Variants in RYR3 observed in about 807,000 individuals in gnomAD.
RYR3 encodes the protein ryanodine receptor 3.
RYR3 carries 207 observed loss-of-function variants against 584.3 expected under a neutral mutation model. The ratio of observed to expected loss-of-function variants is 0.35; its 90% CI spans 0.32 to 0.40. The LOEUF (loss-of-function observed/expected upper bound fraction) is 0.40, where lower values mean the gene tolerates loss of function less well. Among genes scored for constraint, RYR3 ranks in the 10% least tolerant of loss-of-function variants. The probability of loss-of-function intolerance (pLI) is 1.00; values close to 1 mark genes in which losing one functional copy is unlikely to be tolerated. For missense variants in RYR3, 5,616 were observed against 6,089.2 expected, an observed-to-expected ratio of 0.92 and a Z score of 2.59; for synonymous variants, 2,416 against 2,248.5, an observed-to-expected ratio of 1.07 and a Z score of -2.11.
In RYR3 at chr15:33,696,353, C is replaced by T. The variant is rs370551971; in HGVS notation, c.5996C>T (p.Ala1999Val). Residue 1999 changes from alanine (A) to valine (V), a missense_variant, in exon 39 of 104, where the codon GCG (alanine) becomes GTG (valine). By Grantham distance (64) the Ala-to-Val change is moderately conservative. Around this residue, in one of 9 missense-constraint regions of RYR3, gnomAD observed 1,280 missense variants for 1,426.2 expected, o/e 0.90. Coordinates refer to ENST00000634891, the MANE Select transcript of RYR3 (RefSeq NM_001036.6). ...GACAGCATTGGGGAGCTGCTGCAGG[C>T]GCTGCGGAAGACCTACACCATCAGC... ...QYDSIGELLQ[A>V]LRKTYTISHT... is the part of the protein sequence containing the mutation. The T allele has an allele frequency of 1.2e-5, 20 of 1,613,748 alleles. 1 individual carries two copies. Among genetic ancestry groups the T allele is most frequent in the South Asian group, 4.4e-5 (4 of 91,072 alleles).
chr15:33,377,970 T>TG (rs1370909255), intron 1 of RYR3, among the ~76,000 whole-genome samples: 1 of 152,040 alleles, frequency 6.6e-6, no homozygotes, highest in Non-Finnish European at 1.5e-5. Flanking sequence ...TTTGTAGAGA[T>TG]GGGGTCTCAC....
chr15:33,664,589 G>GTATATGTA (rs1555399466), intron 36 of RYR3, among the ~76,000 whole-genome samples: 1 of 91,352 alleles, frequency 1.1e-5, no homozygotes, highest in African/African-American at 4.4e-5. Context: ...GTGTGTGTGT[G>GTATATGTA]TATATATATA....
chr15:33,747,150 G>A (rs2070809477), intron 53 of RYR3, among the ~76,000 whole-genome samples: 1 of 152,080 alleles, frequency 6.6e-6, no homozygotes, highest in Admixed American at 6.6e-5. Context: ...AGGTAATAGA[G>A]AAGAGAATCC....
chr15:33,808,495 C>G (rs575495312), intron 70 of RYR3, among the ~76,000 whole-genome samples: 2 of 152,120 alleles, frequency 1.3e-5, no homozygotes, highest in Admixed American at 1.3e-4. Context: ...CACTTTTGAG[C>G]ATATTTATTC....
intron 94 of RYR3, chr15:33,851,530 C>A (rs1168462900): frequency 6.6e-6 from 1 of 152,104 alleles, no homozygotes; most frequent in Non-Finnish European, 1.5e-5. Context: ...GTTCTCTATG[C>A]CACACTTTAA....
intron 43 of RYR3, among the ~76,000 whole-genome samples, chr15:33,714,013 A>G (rs1296820287): frequency 6.6e-6 from 1 of 152,186 alleles, no homozygotes; most frequent in Non-Finnish European, 1.5e-5. Flanking sequence ...AAGTGGATAC[A>G]ATTATCTTCA....
At chr15:33,834,546 T>C (rs374942878) in intron 86 of RYR3, among the ~76,000 whole-genome samples, 45 of 151,724 alleles carry the variant, frequency 3.0e-4, no homozygotes, top group African/African-American at 1.0e-3. Context: ...CTGGAAACAA[T>C]AGGTAGATGA....
Position 33,622,377 on chromosome 15 carries a change from G to T in RYR3, c.2358-1430G>T, listed in dbSNP as rs538674401. Among the ~76,000 whole-genome samples the T allele has an allele frequency of 1.4e-3, 208 of 152,232 alleles. 1 individual carries two copies. Among genetic ancestry groups the T allele is most frequent in the African/African-American group, 4.8e-3 (201 of 41,524 alleles). On this transcript the variant is annotated intron_variant, in intron 19 of 103. Coordinates refer to ENST00000634891, the MANE Select transcript of RYR3 (RefSeq NM_001036.6). The stretch of plus-strand genomic sequence containing the variant: ...GAAATGCTCTTCCTCCAGATCTTGA[G>T]CTCACTGATTTCTCCTTACCCCTCA...
Position 33,865,306 on chromosome 15 carries a change from T to TA in RYR3, c.*81dup. Reference sequence around the variant, plus strand: ...GTCCCCTTTTTACAGTTCTGCAACATATCTGAAATGTGACATTTTCTAAAT... The same window carrying TA: ...GTCCCCTTTTTACAGTTCTGCAACATAATCTGAAATGTGACATTTTCTAAAT... On this transcript the variant is annotated 3_prime_UTR_variant, in exon 104 of 104. Transcript: ENST00000634891. 1 of 929,900 alleles carries TA rather than the reference T, an allele frequency of 1.1e-6. No individual in the cohort carries two copies. Among genetic ancestry groups the TA allele is most frequent in the South Asian group, 1.6e-5 (1 of 63,126 alleles). The allele number at this position is 929,900 out of a possible 1,614,324, so 57.6% of individuals were successfully genotyped here. A position where few individuals can be genotyped will look rare whatever the true frequency, so the allele number is the denominator to read the frequency against.
intron 32 of RYR3, among the ~76,000 whole-genome samples, chr15:33,658,343 G>T (rs947219113): frequency 2.0e-5 from 3 of 152,180 alleles, no homozygotes; most frequent in Non-Finnish European, 4.4e-5. Flanking sequence ...TCCTTGTTCC[G>T]TGGCCCTCTC....
intron 10 of RYR3, among the ~76,000 whole-genome samples, chr15:33,554,529 C>G (rs1303016679): frequency 1.3e-5 from 2 of 152,086 alleles, no homozygotes; most frequent in African/African-American, 4.8e-5. Context: ...ATCTCCTGAC[C>G]TCGTGATCCG....
chr15:33,429,637 C>T (rs201130244), intron 1 of RYR3, among the ~76,000 whole-genome samples: 2 of 152,240 alleles, frequency 1.3e-5, no homozygotes, highest in Admixed American at 6.5e-5. Context: ...TCCACACCAA[C>T]GGTCCTCTTT....
In RYR3 at chr15:33,788,315, G is replaced by C; in HGVS notation, c.9687G>C (p.Thr3229=). The change falls in exon 67 of 104, where the codon ACG becomes ACC. Residue 3229 remains threonine, a synonymous_variant. Transcript: ENST00000634891. ...AGCTGAAGAAAAAGGCTGTCAAGAC[G>C]GTGCAGGAGGAGGAGCAGTTGAAAG... ...LEKLKKKAVK[T]VQEEEQLKAD... The C allele has an allele frequency of 6.2e-7, 1 of 1,613,956 alleles. No homozygotes were observed. The highest frequency in any genetic ancestry group is 8.5e-7 in the Non-Finnish European group (1 of 1,179,874).
At chr15:33,406,953 A>G (rs761075137) in intron 1 of RYR3, among the ~76,000 whole-genome samples, 1 of 152,244 alleles carries the variant, frequency 6.6e-6, no homozygotes, top group East Asian at 1.9e-4. Flanking sequence ...ATAGAAATTT[A>G]TCTCTTATGG....
intron 67 of RYR3, among the ~76,000 whole-genome samples, chr15:33,792,706 C>T (rs978632243): frequency 1.3e-5 from 2 of 152,114 alleles, no homozygotes; most frequent in African/African-American, 4.8e-5. Flanking sequence ...AATGTGAAGG[C>T]TTGTGGGAAT....
At chr15:33,529,503 G>A (rs2054670579) in intron 3 of RYR3, among the ~76,000 whole-genome samples, 1 of 152,194 alleles carries the variant, frequency 6.6e-6, no homozygotes, top group Admixed American at 6.5e-5. Context: ...TCCTTGGGCT[G>A]CCAGTCTGTA....
At chr15:33,660,986 G>C (rs924048040) in intron 34 of RYR3, among the ~76,000 whole-genome samples, 5 of 152,216 alleles carry the variant, frequency 3.3e-5, no homozygotes, top group African/African-American at 1.2e-4. Context: ...TCTGTACATA[G>C]TAAGAAATAA....
chr15:33,333,059 T>C (rs1395322916), intron 1 of RYR3, among the ~76,000 whole-genome samples: 6 of 40,948 alleles, frequency 1.5e-4, no homozygotes, highest in South Asian at 7.9e-4. Flanking sequence ...ATAAATAGCC[T>C]ACCAACCAAA....
chr15:33,750,387 G>A (rs2071163581), intron 57 of RYR3, 101 bp downstream of exon 57: 1 of 1,190,826 alleles, frequency 8.4e-7, no homozygotes, highest in Non-Finnish European at 1.2e-6. Context: ...GAACAATTGA[G>A]TCTTTTAAAA....
Sources: allele counts gnomAD v4.1 joint callset (sites outside exome capture counted in the v4.1 genomes callset), GRCh38; gene constraint gnomAD v4.1.1; regional missense constraint gnomAD v4.1.1; transcripts MANE v1.5; gene names NCBI Gene and HGNC (gene_info 2026-07-23, HGNC 2026-07-21).